The following DYSF variants were observed in gnomAD, a reference collection of about 807,000 sequenced individuals.
DYSF encodes dystrophy-associated fer-1-like 1.
Under a neutral mutation model 274.9 loss-of-function variants are expected in DYSF, and 212 were observed. The observed-to-expected ratio is 0.77, with a 90% CI of 0.69 to 0.86. DYSF has a LOEUF of 0.86. Among genes scored for constraint, DYSF ranks in the 40% least tolerant of loss-of-function variants. The probability of loss-of-function intolerance (pLI) is 0.00; values close to 1 mark genes in which losing one functional copy is unlikely to be tolerated. For synonymous variants in DYSF, 1,091 were observed against 1,078.7 expected (o/e 1.01, Z -0.22); for missense variants, 2,666 against 2,783.2 (o/e 0.96, Z 0.95).
intron 1 of DYSF, among the ~76,000 whole-genome samples, chr2:71,479,528 G>A (rs2082708572): frequency 6.6e-6 from 1 of 152,204 alleles, no homozygotes; most frequent in Admixed American, 6.5e-5. Context: ...TGCAGCACCT[G>A]CCTGTTTCTC....
chr2:71,571,891 C>T (rs2092494375), intron 29 of DYSF, among the ~76,000 whole-genome samples: 3 of 147,244 alleles, frequency 2.0e-5, no homozygotes, highest in African/African-American at 2.5e-5. Flanking sequence ...ACACAGCTCA[C>T]ACCCAGCACA....
chr2:71,611,635 C>T lies in DYSF; in HGVS notation c.4221+9C>T, dbSNP rs375993049. On this transcript the variant is annotated intron_variant, in intron 38 of 55. Transcript: ENST00000410020. ...CCCTCTTCATGGAAGTGGTGAGCCC[C>T]ACCTCCCTACTGTCCCCTTCCAGAG... The T allele has an allele frequency of 3.1e-6, 5 of 1,612,728 alleles. No homozygotes were observed. Among genetic ancestry groups the T allele is most frequent in the Admixed American group, 1.7e-5 (1 of 59,976 alleles).
chr2:71,495,079 G>A (rs1408576066), intron 3 of DYSF, among the ~76,000 whole-genome samples: 1 of 152,164 alleles, frequency 6.6e-6, no homozygotes, highest in Non-Finnish European at 1.5e-5. Flanking sequence ...TAGGTTCCAG[G>A]CACATGTGGG....
At chr2:71,461,412 C>T (rs80027892) in intron 1 of DYSF, among the ~76,000 whole-genome samples, 22,404 of 152,172 alleles carry the variant, frequency 0.15, 2,213 homozygotes, top group East Asian at 0.45. Flanking sequence ...GAGAGAACAG[C>T]GGACCTCAGA....
intron 49 of DYSF, 89 bp from the exon 50 acceptor site, chr2:71,669,023 C>T: frequency 1.5e-6 from 2 of 1,333,252 alleles, no homozygotes; most frequent in African/African-American, 1.5e-5. Flanking sequence ...TCCTCTTGGA[C>T]CAGTCTGCTT....
At chr2:71,482,045 C>A in intron 3 of DYSF, 75 bp downstream of exon 3, 2 of 1,209,556 alleles carry the variant, frequency 1.7e-6, no homozygotes, top group Non-Finnish European at 2.4e-6. Flanking sequence ...ACTGCAGAAT[C>A]CCAGGCCCCA....
At chr2:71,686,244 G>C (rs1213901949) in intron 55 of DYSF, among the ~76,000 whole-genome samples, 6 of 152,202 alleles carry the variant, frequency 3.9e-5, no homozygotes, top group Non-Finnish European at 8.8e-5. Context: ...GCACTAGGCA[G>C]GGCGGAGTGT....
At chr2:71,537,223 GTTTTTTTTT>G (rs71402990) in intron 16 of DYSF, among the ~76,000 whole-genome samples, 3 of 79,626 alleles carry the variant, frequency 3.8e-5, no homozygotes, top group South Asian at 1.0e-3. Context: ...TTCTAGTTTT[GTTTTTTTTT>G]TTTTTTTTTT....
chr2:71,677,657 G>GATAATAGTAATA (rs11276093), intron 52 of DYSF, among the ~76,000 whole-genome samples: 135,340 of 151,466 alleles, frequency 0.89, 60,610 homozygotes, highest in African/African-American at 0.92. Context: ...CACCTACTAA[G>GATAATAGTAATA]ATAATAGTAA....
At chr2:71,582,599 G>A (rs1002250378) in intron 30 of DYSF, among the ~76,000 whole-genome samples, 2 of 152,180 alleles carry the variant, frequency 1.3e-5, no homozygotes, top group Non-Finnish European at 2.9e-5. Context: ...AGTGAAGATG[G>A]TGAAGACCTG....
chr2:71,622,603 T>C (rs1254858461), intron 41 of DYSF, among the ~76,000 whole-genome samples: 2 of 152,108 alleles, frequency 1.3e-5, no homozygotes, highest in African/African-American at 2.4e-5. Flanking sequence ...GTGTCCTTTA[T>C]TGTTTGTTTG....
In DYSF at chr2:71,525,051, A is replaced by G. The variant is rs539374278; in HGVS notation, c.1150-1169A>G. 3.9e-5 allele frequency among the ~76,000 whole-genome samples: 6 copies of G among 152,306 alleles called. No homozygotes were observed. The South Asian group carries it at 1.2e-3, about 32-fold the overall frequency. ...AACTAGAACCTGCATTTTAATTGGA[A>G]TGCACAGCAGTGGTCTAGAAGACAT... On this transcript the variant is annotated intron_variant, in intron 12 of 55. Transcript: ENST00000410020.
At chr2:71,618,019 TGTGTGTGTGTG>T (rs2093949378) in intron 40 of DYSF, among the ~76,000 whole-genome samples, 1 of 86,356 alleles carries the variant, frequency 1.2e-5, no homozygotes, top group African/African-American at 4.4e-5. Context: ...AGAGATGGGG[TGTGTGTGTGTG>T]GTAGAGATGG....
intron 29 of DYSF, 142 bp downstream of exon 29, chr2:71,570,883 C>G: frequency 8.1e-7 from 1 of 1,230,388 alleles, no homozygotes; most frequent in Non-Finnish European, 1.1e-6. Flanking sequence ...GAGGTGCTCA[C>G]AGATCACACC....
intron 53 of DYSF, among the ~76,000 whole-genome samples, chr2:71,680,594 A>G (rs1411086772): frequency 6.6e-6 from 1 of 152,266 alleles, no homozygotes; most frequent in Non-Finnish European, 1.5e-5. Flanking sequence ...CTAAATAATT[A>G]TGGTCAACCA....
chr2:71,543,850 T>A (rs2090203902), intron 17 of DYSF, among the ~76,000 whole-genome samples: 1 of 131,154 alleles, frequency 7.6e-6, no homozygotes, highest in African/African-American at 3.2e-5. Context: ...AGGGAGACCG[T>A]GGAAAGAGAG....
At chr2:71,646,910 G>A (rs900058993) in intron 42 of DYSF, among the ~76,000 whole-genome samples, 3 of 152,128 alleles carry the variant, frequency 2.0e-5, no homozygotes, top group Non-Finnish European at 4.4e-5. Flanking sequence ...AACAAGGTAA[G>A]TGTAAACCAA....
intron 22 of DYSF, among the ~76,000 whole-genome samples, chr2:71,559,381 T>C (rs1338382732): frequency 6.6e-6 from 1 of 152,094 alleles, no homozygotes; most frequent in East Asian, 1.9e-4. Flanking sequence ...GCCTCACCCA[T>C]GTCCTTCCTC....
chr2:71,674,873 C>T (rs998817027), intron 52 of DYSF, among the ~76,000 whole-genome samples: 6 of 152,116 alleles, frequency 3.9e-5, no homozygotes, highest in African/African-American at 9.7e-5. Flanking sequence ...GGGGCCTGCA[C>T]GCTCATCTGT....
Sources: allele counts gnomAD v4.1 joint callset (sites outside exome capture counted in the v4.1 genomes callset), GRCh38; gene constraint gnomAD v4.1.1; transcripts MANE v1.5; gene names NCBI Gene and HGNC (gene_info 2026-07-23, HGNC 2026-07-21).